The following DENND1B variants were observed in gnomAD, a reference collection of about 807,000 sequenced individuals.
DENND1B encodes DENN domain containing 1B, also known as DENN domain-containing protein 1B.
In DENND1B, 59 loss-of-function variants were observed where a neutral mutation model predicts 90.1. The ratio of observed to expected loss-of-function variants is 0.65; its 90% CI spans 0.53 to 0.81. The LOEUF is 0.81. Among genes scored for constraint, DENND1B ranks in the 40% least tolerant of loss-of-function variants. The probability of loss-of-function intolerance (pLI) is 0.00; values close to 1 mark genes in which losing one functional copy is unlikely to be tolerated. For missense variants in DENND1B, 862 were observed against 912.6 expected (o/e 0.94, Z 0.71); for synonymous variants, 337 against 324.6 (o/e 1.04, Z -0.41).
chr1:197,729,212 T>C (rs1173209470), intron 2 of DENND1B, among the ~76,000 whole-genome samples: 1 of 152,146 alleles, frequency 6.6e-6, no homozygotes, highest in Non-Finnish European at 1.5e-5. Context: ...TAAACAAAGC[T>C]CCTAAAAGCC....
upstream of DENND1B, among the ~76,000 whole-genome samples, chr1:197,779,193 T>C (rs911099610): frequency 1.3e-5 from 2 of 152,220 alleles, no homozygotes; most frequent in Non-Finnish European, 2.9e-5. Context: ...ATATTTTCAC[T>C]GATGAAGAAT....
Position 197,517,403 on chromosome 1 carries a change from C to G in DENND1B, c.1516-4450G>C, listed in dbSNP as rs556874975. 2.6e-5 allele frequency among the ~76,000 whole-genome samples: 4 copies of G among 151,990 alleles called. No homozygotes were observed. In the South Asian group the frequency reaches 8.3e-4, roughly 31 times the overall value. On this transcript the variant is annotated intron_variant, in intron 20 of 22. Coordinates refer to ENST00000620048, the MANE Select transcript of DENND1B (RefSeq NM_001195215.2). ...TTCCCTTTGTTCTAACCAAAGGTATCACCATGGCCTTCTTCAACCCCTTAT... is the reference window on the plus strand; with the variant it reads ...TTCCCTTTGTTCTAACCAAAGGTATGACCATGGCCTTCTTCAACCCCTTAT...
chr1:197,705,674 AG>A (rs1402233621), intron 3 of DENND1B, among the ~76,000 whole-genome samples: 12 of 150,388 alleles, frequency 8.0e-5, no homozygotes, highest in South Asian at 2.1e-4. Context: ...AGACCTGAAC[AG>A]GAATAGGAGG....
chr1:197,664,880 A>C (rs1654787089), intron 5 of DENND1B, among the ~76,000 whole-genome samples: 1 of 152,120 alleles, frequency 6.6e-6, no homozygotes, highest in Admixed American at 6.6e-5. Flanking sequence ...CAAAGGCCCT[A>C]AACATAAATC....
intron 2 of DENND1B, among the ~76,000 whole-genome samples, chr1:197,717,044 T>C (rs1660714763): frequency 6.6e-6 from 1 of 151,920 alleles, no homozygotes; most frequent in South Asian, 2.1e-4. Context: ...TCCCAGCTCT[T>C]TTCATTAAAT....
At chr1:197,643,349 G>A (rs545955366) in intron 9 of DENND1B, among the ~76,000 whole-genome samples, 1 of 152,078 alleles carries the variant, frequency 6.6e-6, no homozygotes, top group African/African-American at 2.4e-5. Context: ...GAGAGATGGG[G>A]TTTCACCATG....
chr1:197,550,017 C>T (rs1472193473), intron 16 of DENND1B, among the ~76,000 whole-genome samples: 1 of 152,026 alleles, frequency 6.6e-6, no homozygotes, highest in Non-Finnish European at 1.5e-5. Flanking sequence ...TAACCATCGG[C>T]ATTAACAAAA....
At chr1:197,754,079 A>C (rs1332012475) in intron 2 of DENND1B, among the ~76,000 whole-genome samples, 1 of 151,836 alleles carries the variant, frequency 6.6e-6, no homozygotes, top group Admixed American at 6.6e-5. Context: ...GACTAAAAAA[A>C]ACCTGTAAAT....
chr1:197,559,241 A>AT (rs1671959477), intron 15 of DENND1B, among the ~76,000 whole-genome samples: 1 of 152,018 alleles, frequency 6.6e-6, no homozygotes, highest in Non-Finnish European at 1.5e-5. Flanking sequence ...TCAAAACTCT[A>AT]TGACAACTGA....
In DENND1B at chr1:197,675,244, C is replaced by T. The variant is rs115388480; in HGVS notation, c.127-1075G>A. Among the ~76,000 whole-genome samples, 638 of 152,192 alleles carry T rather than the reference C, an allele frequency of 4.2e-3. 5 individuals carry two copies. The highest frequency in any genetic ancestry group is 0.015 in the African/African-American group (611 of 41,558). ...CACTAAAACTAAGGTCTACAGAAGTCATCAATATCTGAATATTTAAACCGT... is the reference window on the plus strand; with the variant it reads ...CACTAAAACTAAGGTCTACAGAAGTTATCAATATCTGAATATTTAAACCGT... On this transcript the variant is annotated intron_variant, in intron 3 of 22. Coordinates refer to ENST00000620048, the MANE Select transcript of DENND1B (RefSeq NM_001195215.2).
At chr1:197,543,785 C>T (rs2125662428) in intron 18 of DENND1B, among the ~76,000 whole-genome samples, 1 of 151,994 alleles carries the variant, frequency 6.6e-6, no homozygotes, top group African/African-American at 2.4e-5. Context: ...GATTAGCTTC[C>T]CTACTATAAA....
At chr1:197,696,609 A>G (rs550602581) in intron 3 of DENND1B, among the ~76,000 whole-genome samples, 91 of 151,598 alleles carry the variant, frequency 6.0e-4, no homozygotes, top group Non-Finnish European at 1.0e-3. Context: ...GATATGTGTC[A>G]TAACACCAGT....
In DENND1B at chr1:197,734,394, G is replaced by A; in HGVS notation, c.83-19320C>T. On this transcript the variant is annotated intron_variant, in intron 2 of 22. Coordinates refer to ENST00000620048, the MANE Select transcript of DENND1B (RefSeq NM_001195215.2). ...TTCATGAATATTTACAAGGGGCTTT[G>A]GGGACTGCTGCAGTTTATGAAATAT... The A allele has an allele frequency of 8.1e-6, 8 of 984,800 alleles. No homozygotes were observed. In the South Asian group the frequency reaches 3.8e-4, roughly 46 times the overall value. 61.0% of individuals were successfully genotyped at this position (984,800 alleles called of 1,614,324 possible).
At chr1:197,651,912 C>T (rs914485405) in intron 7 of DENND1B, among the ~76,000 whole-genome samples, 77 of 152,144 alleles carry the variant, frequency 5.1e-4, no homozygotes, top group African/African-American at 1.6e-3. Context: ...GCCTCAGCCT[C>T]CCAAAGTGCT....
rs867286701 is a variant in DENND1B, at chr1:197,716,910, A to G, written c.83-1836T>C. On this transcript the variant is annotated intron_variant, in intron 2 of 22. Coordinates refer to ENST00000620048, the MANE Select transcript of DENND1B (RefSeq NM_001195215.2). Reference sequence around the variant, plus strand: ...CTTGCTGTTTGTAGCATTTACCTAAATATGTTTTGCTGCCTGACTTTTCCT... The same window carrying G: ...CTTGCTGTTTGTAGCATTTACCTAAGTATGTTTTGCTGCCTGACTTTTCCT... Among the ~76,000 whole-genome samples, 5 of 152,042 alleles carry G rather than the reference A, an allele frequency of 3.3e-5. 1 individual carries two copies. In the South Asian group the frequency reaches 8.3e-4, roughly 25 times the overall value.
intron 10 of DENND1B, among the ~76,000 whole-genome samples, chr1:197,638,098 C>A (rs957490800): frequency 1.3e-5 from 2 of 152,092 alleles, no homozygotes; most frequent in Non-Finnish European, 2.9e-5. Context: ...TTCCAGAGAT[C>A]GAAAGATTTC....
intron 15 of DENND1B, among the ~76,000 whole-genome samples, chr1:197,574,942 C>T (rs2125746561): frequency 6.6e-6 from 1 of 152,228 alleles, no homozygotes; most frequent in East Asian, 1.9e-4. Flanking sequence ...AAAATTAATT[C>T]AAGATGGATT....
In DENND1B at chr1:197,649,542, T is replaced by C. The variant is rs528183175; in HGVS notation, c.448-2428A>G. On this transcript the variant is annotated intron_variant, in intron 7 of 22. Coordinates refer to ENST00000620048, the MANE Select transcript of DENND1B (RefSeq NM_001195215.2). The stretch of plus-strand genomic sequence containing the variant: ...AGACACATGGACCAATGGAACAGAA[T>C]AGAGAACCCAGAAATAAACCCAAAT... Among the ~76,000 whole-genome samples the C allele has an allele frequency of 7.2e-5, 11 of 152,194 alleles. No individual in the cohort carries two copies. In the South Asian group the frequency reaches 2.1e-3, roughly 29 times the overall value.
At chr1:197,567,175 A>G (rs770330028) in intron 15 of DENND1B, among the ~76,000 whole-genome samples, 3 of 152,140 alleles carry the variant, frequency 2.0e-5, no homozygotes, top group Non-Finnish European at 1.5e-5. Context: ...GAAATGGAAG[A>G]GGACACAGTT....
Sources: allele counts gnomAD v4.1 joint callset (sites outside exome capture counted in the v4.1 genomes callset), GRCh38; gene constraint gnomAD v4.1.1; transcripts MANE v1.5; gene names NCBI Gene and HGNC (gene_info 2026-07-23, HGNC 2026-07-21).